Variants in RPS6KA2 observed in about 807,000 individuals in gnomAD.
RPS6KA2 encodes the protein ribosomal protein S6 kinase A2.
A neutral mutation model predicts 91.8 loss-of-function variants in RPS6KA2; 42 were observed. The observed-to-expected ratio is 0.46, with a 90% CI of 0.36 to 0.59. The LOEUF (loss-of-function observed/expected upper bound fraction) is 0.59. Among genes scored for constraint, RPS6KA2 ranks in the 20% least tolerant of loss-of-function variants. The probability of loss-of-function intolerance (pLI) is 0.00; values close to 1 mark genes in which losing one functional copy is unlikely to be tolerated. For missense variants in RPS6KA2, 798 were observed against 978.5 expected, an observed-to-expected ratio of 0.82 and a Z score of 2.46; for synonymous variants, 414 against 393.6, an observed-to-expected ratio of 1.05 and a Z score of -0.61.
At chr6:166,681,702 G>GCCCCCCCCACCCCCCACCC (rs1453376878) in intron 2 of RPS6KA2, among the ~76,000 whole-genome samples, 1 of 14,454 alleles carries the variant, frequency 6.9e-5, no homozygotes, top group Non-Finnish European at 1.6e-4. Context: ...CCCCCCCCCC[G>GCCCCCCCCACCCCCCACCC]CCCCCGCCCA....
intron 11 of RPS6KA2, among the ~76,000 whole-genome samples, chr6:166,466,965 C>T: frequency 6.6e-6 from 1 of 152,094 alleles, no homozygotes; most frequent in Non-Finnish European, 1.5e-5. Context: ...CTCCCTTACT[C>T]ATTCATGCAC....
chr6:166,523,848 C>T (rs1453214108), intron 3 of RPS6KA2, among the ~76,000 whole-genome samples: 4 of 152,184 alleles, frequency 2.6e-5, no homozygotes, highest in East Asian at 1.9e-4. Flanking sequence ...CTGGGGTTTG[C>T]AGCCAGGCGG....
intron 2 of RPS6KA2, among the ~76,000 whole-genome samples, chr6:166,762,834 C>T (rs1562425031): frequency 6.6e-6 from 1 of 152,174 alleles, no homozygotes; most frequent in Non-Finnish European, 1.5e-5. Flanking sequence ...CCTGTGGGCA[C>T]CGAGGCTACT....
At chr6:166,764,424 C>T (rs952453833) in intron 2 of RPS6KA2, among the ~76,000 whole-genome samples, 8 of 151,356 alleles carry the variant, frequency 5.3e-5, no homozygotes, top group Non-Finnish European at 1.0e-4. Context: ...GGTGCTGGAA[C>T]GCGGGGATCA....
intron 14 of RPS6KA2, among the ~76,000 whole-genome samples, chr6:166,444,885 T>C (rs1302178792): frequency 6.6e-6 from 1 of 152,198 alleles, no homozygotes. Flanking sequence ...CCCACAACCT[T>C]TGGCAGAGTA....
At chr6:166,620,531 C>T (rs1187271905) in intron 1 of RPS6KA2, among the ~76,000 whole-genome samples, 2 of 152,194 alleles carry the variant, frequency 1.3e-5, no homozygotes, top group Non-Finnish European at 2.9e-5. Flanking sequence ...TGTATATAAA[C>T]TTAACATAGC....
At chr6:166,605,124 G>T (rs528847309) in intron 1 of RPS6KA2, among the ~76,000 whole-genome samples, 2 of 152,266 alleles carry the variant, frequency 1.3e-5, no homozygotes, top group South Asian at 2.1e-4. Flanking sequence ...AGATTCTGGC[G>T]GGAGATGATG....
chr6:166,818,711 T>C (rs1273740756), intron 2 of RPS6KA2, among the ~76,000 whole-genome samples: 2 of 152,132 alleles, frequency 1.3e-5, no homozygotes, highest in African/African-American at 4.8e-5. Context: ...AATAAATCCA[T>C]CAATTATTTT....
chr6:166,528,756 C>T (rs1406957372), intron 3 of RPS6KA2, among the ~76,000 whole-genome samples: 1 of 151,766 alleles, frequency 6.6e-6, no homozygotes, highest in African/African-American at 2.4e-5. Flanking sequence ...AAAAAGTGGG[C>T]AAAGGATATG....
At chr6:166,702,821 T>C (rs185750153) in intron 2 of RPS6KA2, 7 of 1,040,874 alleles carry the variant, frequency 6.7e-6, no homozygotes, top group East Asian at 4.7e-5. Flanking sequence ...CTGAGGTTTC[T>C]GATATACGGT....
intron 1 of RPS6KA2, among the ~76,000 whole-genome samples, chr6:166,565,210 G>A (rs1784457707): frequency 6.6e-6 from 1 of 152,192 alleles, no homozygotes; most frequent in African/African-American, 2.4e-5. Context: ...CCCATCCCAA[G>A]TGATTTAAGT....
At chr6:166,777,130 T>C (rs1778642478) in intron 2 of RPS6KA2, among the ~76,000 whole-genome samples, 4 of 152,178 alleles carry the variant, frequency 2.6e-5, no homozygotes, top group Admixed American at 2.6e-4. Context: ...CTGAGGTTGC[T>C]GCGGGAGGCC....
intron 2 of RPS6KA2, among the ~76,000 whole-genome samples, chr6:166,691,175 T>C (rs1789196487): frequency 6.6e-6 from 1 of 152,146 alleles, no homozygotes; most frequent in Non-Finnish European, 1.5e-5. Flanking sequence ...GCCATCTGAT[T>C]GCCCTGAAAA....
intron 1 of RPS6KA2, among the ~76,000 whole-genome samples, chr6:166,581,949 G>A (rs1162924406): frequency 7.5e-5 from 8 of 106,998 alleles, no homozygotes; most frequent in Middle Eastern, 6.3e-3. Context: ...ACAGGGAGAG[G>A]GTGAGATAGG....
chr6:166,590,654 G>A (rs758425321), intron 1 of RPS6KA2, among the ~76,000 whole-genome samples: 55 of 152,272 alleles, frequency 3.6e-4, no homozygotes, highest in Non-Finnish European at 5.7e-4. Context: ...CTGAAAGCAC[G>A]TCTATGTTAA....
At chr6:166,798,917 C>T (rs535970624) in intron 2 of RPS6KA2, among the ~76,000 whole-genome samples, 3 of 152,248 alleles carry the variant, frequency 2.0e-5, no homozygotes, top group African/African-American at 2.4e-5. Flanking sequence ...TACCCAGTGA[C>T]TAAGGAAACC....
At chr6:166,861,464 G>A (rs949785160) in intron 1 of RPS6KA2, among the ~76,000 whole-genome samples, 3 of 152,242 alleles carry the variant, frequency 2.0e-5, no homozygotes, top group African/African-American at 7.2e-5. Context: ...CCGTGGAGCA[G>A]AGGTTTGCGT....
Position 166,821,327 on chromosome 6 carries a change from G to A in RPS6KA2, c.123+36873C>T, listed in dbSNP as rs1160364264. ...ACAAATCAGCCTTCAATTCCCTCTG[G>A]GGAGGGGCCTGGTTGTCCTCTTTGG... On this transcript the variant is annotated intron_variant, in intron 2 of 21. Transcript: ENST00000503859. This position sits in a 1 kb window ranked among gnomAD's most constrained non-coding sequence, Gnocchi z 4.1. 6.6e-6 allele frequency among the ~76,000 whole-genome samples: 1 copy of A among 152,018 alleles called. No individual in the cohort carries two copies. The highest frequency in any genetic ancestry group is 1.5e-5 in the Non-Finnish European group (1 of 68,000).
intron 1 of RPS6KA2, among the ~76,000 whole-genome samples, chr6:166,593,296 A>G (rs1050921527): frequency 7.2e-5 from 11 of 152,348 alleles, no homozygotes; most frequent in Admixed American, 5.9e-4. Context: ...AGAATGAAAT[A>G]GAAGAGAATG....
Sources: gnomAD v4.1 joint callset for allele counts (sites outside exome capture counted in the v4.1 genomes callset) on GRCh38, gnomAD v4.1.1 for gene constraint, Gnocchi (gnomAD v3.1) non-coding constraint, MANE v1.5 for transcripts, NCBI Gene and HGNC (gene_info 2026-07-23, HGNC 2026-07-21) for gene names.